Variants in SYNPR observed in about 807,000 individuals in gnomAD.
SYNPR encodes synaptoporin.
SYNPR carries 23 observed loss-of-function variants against 32.9 expected under a neutral mutation model. That is an observed-to-expected ratio of 0.70 (90% CI 0.50 to 0.99). The LOEUF is 0.99. Among genes scored for constraint, SYNPR ranks in the 50% least tolerant of loss-of-function variants. SYNPR has a pLI of 0.00. For missense variants in SYNPR, 318 were observed against 349.3 expected (o/e 0.91, Z 0.71); for synonymous variants, 146 against 135.9 (o/e 1.07, Z -0.52).
At chr3:63,389,387 T>C (rs1331152093) in intron 2 of SYNPR, among the ~76,000 whole-genome samples, 4 of 152,216 alleles carry the variant, frequency 2.6e-5, no homozygotes, top group Non-Finnish European at 5.9e-5. Flanking sequence ...GGCTTCATTC[T>C]CAGGCAGGCT....
chr3:63,451,907 A>C (rs1207970753), intron 2 of SYNPR, among the ~76,000 whole-genome samples: 2 of 152,050 alleles, frequency 1.3e-5, no homozygotes, highest in African/African-American at 2.4e-5. Context: ...ATCTGCTGGC[A>C]TTCCTCTCCC....
chr3:63,504,042 C>T (rs746430348), intron 3 of SYNPR, among the ~76,000 whole-genome samples: 3 of 151,982 alleles, frequency 2.0e-5, no homozygotes, highest in African/African-American at 4.8e-5. Context: ...TATTTTCATA[C>T]GCACATTTCC....
intron 2 of SYNPR, among the ~76,000 whole-genome samples, chr3:63,407,775 A>G (rs2088381305): frequency 6.6e-6 from 1 of 152,118 alleles, no homozygotes; most frequent in African/African-American, 2.4e-5. Context: ...AGTTCTCAGA[A>G]GTTAGACTAA....
chr3:63,407,562 A>T (rs1037400764), intron 2 of SYNPR, among the ~76,000 whole-genome samples: 7 of 152,192 alleles, frequency 4.6e-5, no homozygotes, highest in African/African-American at 1.7e-4. Flanking sequence ...GTAAATGCTC[A>T]ATATGTCTTA....
intron 2 of SYNPR, among the ~76,000 whole-genome samples, chr3:63,423,328 C>T (rs1193703364): frequency 1.3e-5 from 2 of 152,120 alleles, no homozygotes; most frequent in Admixed American, 1.3e-4. Flanking sequence ...GACTCCCTGC[C>T]CCACACACAT....
At chr3:63,545,821 T>C (rs1702392445) in intron 3 of SYNPR, among the ~76,000 whole-genome samples, 1 of 152,146 alleles carries the variant, frequency 6.6e-6, no homozygotes, top group Non-Finnish European at 1.5e-5. Context: ...AATTAATGAT[T>C]AAAATCAATT....
At chr3:63,305,695 T>C (rs2086902400) in intron 2 of SYNPR, among the ~76,000 whole-genome samples, 1 of 151,964 alleles carries the variant, frequency 6.6e-6, no homozygotes, top group Admixed American at 6.6e-5. Context: ...TCCCAGGTAT[T>C]TGAGATGCAG....
chr3:63,234,852 G>A (rs1409152666), intron 1 of SYNPR, among the ~76,000 whole-genome samples: 1 of 152,120 alleles, frequency 6.6e-6, no homozygotes, highest in Admixed American at 6.6e-5. Flanking sequence ...TGGGGAAAAT[G>A]TATTAAGGAA....
upstream of SYNPR, among the ~76,000 whole-genome samples, chr3:63,277,907 G>T (rs2086591805): frequency 6.6e-6 from 1 of 152,120 alleles, no homozygotes; most frequent in Non-Finnish European, 1.5e-5. Context: ...GCTCCATAAA[G>T]GCTTGAAGGA....
chr3:63,271,578 T>C (rs1403380116), intron 3 of SYNPR, among the ~76,000 whole-genome samples: 1 of 152,134 alleles, frequency 6.6e-6, no homozygotes, highest in African/African-American at 2.4e-5. Flanking sequence ...TAGAATCCAT[T>C]GATCTTTCCT....
intron 3 of SYNPR, among the ~76,000 whole-genome samples, chr3:63,545,924 GTCTAT>G (rs1702394121): frequency 6.6e-6 from 1 of 152,052 alleles, no homozygotes; most frequent in African/African-American, 2.4e-5. Context: ...ACTTTAAATT[GTCTAT>G]TCCTGATACA....
chr3:63,361,622 G>T (rs370740720), intron 2 of SYNPR, among the ~76,000 whole-genome samples: 1 of 151,442 alleles, frequency 6.6e-6, no homozygotes, highest in African/African-American at 2.4e-5. Flanking sequence ...AAAAAGGAGG[G>T]GGGGATATAA....
At chr3:63,317,615 G>A (rs2087056951) in intron 2 of SYNPR, among the ~76,000 whole-genome samples, 1 of 151,900 alleles carries the variant, frequency 6.6e-6, no homozygotes, top group Non-Finnish European at 1.5e-5. Flanking sequence ...AAGTTTATTT[G>A]AGTCCTTATA....
chr3:63,200,973 T>C, the SYNPR span, among the ~76,000 whole-genome samples: 2 of 152,138 alleles, frequency 1.3e-5, no homozygotes, highest in East Asian at 3.9e-4. Context: ...AATCTAGATG[T>C]ACCCAGGCAG....
At chr3:63,600,123 GC>G (rs1052275679) in intron 4 of SYNPR, among the ~76,000 whole-genome samples, 2 of 152,204 alleles carry the variant, frequency 1.3e-5, no homozygotes. Flanking sequence ...AGCTGTCTAT[GC>G]TTTAGTTTCC....
intron 3 of SYNPR, among the ~76,000 whole-genome samples, chr3:63,267,899 T>C (rs2086503997): frequency 6.6e-6 from 1 of 152,102 alleles, no homozygotes; most frequent in African/African-American, 2.4e-5. Flanking sequence ...GCTAAATAAA[T>C]TTTGAAAGAA....
At chr3:63,202,249 A>G in the SYNPR span, among the ~76,000 whole-genome samples, 11 of 152,280 alleles carry the variant, frequency 7.2e-5, 1 homozygote, top group African/African-American at 2.6e-4. Context: ...CATTCTCTGT[A>G]TTGGTGATAA....
chr3:63,468,222 A>G (rs1373853062), intron 2 of SYNPR, among the ~76,000 whole-genome samples: 1 of 151,698 alleles, frequency 6.6e-6, no homozygotes, highest in Admixed American at 6.6e-5. Context: ...AAAGAATCAG[A>G]ATAATCAAAA....
At chr3:63,603,214 A>T (rs770160301) in intron 4 of SYNPR, among the ~76,000 whole-genome samples, 9 of 152,180 alleles carry the variant, frequency 5.9e-5, no homozygotes, top group Non-Finnish European at 1.3e-4. Context: ...AACTTTGCCG[A>T]AGTTGTCTGT....
Sources: gnomAD v4.1 joint callset for allele counts (sites outside exome capture counted in the v4.1 genomes callset) on GRCh38, gnomAD v4.1.1 for gene constraint, MANE v1.5 for transcripts, NCBI Gene and HGNC (gene_info 2026-07-23, HGNC 2026-07-21) for gene names.